Variants in ANKRD13C observed in about 807,000 individuals in gnomAD.
The protein encoded by ANKRD13C is ankyrin repeat domain 13C.
ANKRD13C carries 16 observed loss-of-function variants against 65.5 expected under a neutral mutation model. The ratio of observed to expected loss-of-function variants is 0.24; its 90% CI spans 0.17 to 0.37. The LOEUF is 0.37. Among genes scored for constraint, ANKRD13C ranks in the 10% least tolerant of loss-of-function variants. The pLI is 1.00. For missense variants in ANKRD13C, 503 were observed against 655.9 expected (o/e 0.77, Z 2.55); for synonymous variants, 235 against 238.7 (o/e 0.98, Z 0.14).
chr1:70,302,311 G>T (rs921363239), intron 6 of ANKRD13C, among the ~76,000 whole-genome samples: 2 of 152,076 alleles, frequency 1.3e-5, no homozygotes, highest in African/African-American at 4.8e-5. Flanking sequence ...AGGGGCGGCG[G>T]GGGGGCGGGG....
Position 70,296,217 on chromosome 1 carries a change from G to A in ANKRD13C, c.966C>T (p.Ser322=). The change falls in exon 8 of 13, where the codon AGC becomes AGT. Residue 322 remains serine, a synonymous_variant. Transcript: ENST00000370944. ...ETEEEVDILM[S]SDIYSATLST... is the part of the protein sequence containing the mutation. ...ATAAAGTTGCAGAGTAAATATCACT[G>A]CTCATTAAAATATCCACCTCTTCTT... is the stretch of plus-strand genomic sequence containing the variant. The A allele has an allele frequency of 6.2e-7, 1 of 1,613,852 alleles. No individual in the cohort carries two copies. Among genetic ancestry groups the A allele is most frequent in the Non-Finnish European group, 8.5e-7 (1 of 1,179,884 alleles).
chr1:70,274,950 T>A lies in ANKRD13C; in HGVS notation c.1296-132A>T, dbSNP rs1679064515. 1.0e-5 allele frequency: 6 copies of A among 599,864 alleles called. No homozygotes were observed. The East Asian group carries it at 1.7e-4, about 17-fold the overall frequency. The allele number at this position is 599,864 out of a possible 1,614,324, so 37.2% of individuals were successfully genotyped here. On this transcript the variant is annotated intron_variant, in intron 10 of 12. Transcript: ENST00000370944. ...CTTACTCTGTCTACAGAAATAAAGT[T>A]ATGCTAAAAGGGAATAAGATATGTA...
Position 70,262,462 on chromosome 1 carries a change from G to A in ANKRD13C, c.*255C>T. The A allele has an allele frequency of 4.4e-6, 1 of 228,456 alleles. No individual in the cohort carries two copies. The highest frequency in any genetic ancestry group is 1.7e-3 in the Middle Eastern group (1 of 602). 14.2% of individuals were successfully genotyped at this position (228,456 alleles called of 1,614,324 possible). A position where few individuals can be genotyped will look rare whatever the true frequency, so the allele number is the denominator to read the frequency against. On this transcript the variant is annotated 3_prime_UTR_variant, in exon 13 of 13. Coordinates refer to ENST00000370944, the MANE Select transcript of ANKRD13C (RefSeq NM_030816.5). ...CACTCATAGCTGCTTCACATACGCA[G>A]GTCTTAGGGTCATTAATGTGTCAAA... is the stretch of plus-strand genomic sequence containing the variant.
intron 1 of ANKRD13C, among the ~76,000 whole-genome samples, chr1:70,341,628 G>A (rs1019809283): frequency 3.3e-5 from 5 of 152,040 alleles, no homozygotes; most frequent in African/African-American, 1.2e-4. Context: ...CCAAAGTGAT[G>A]GGATTACAAG....
intron 9 of ANKRD13C, among the ~76,000 whole-genome samples, chr1:70,282,054 CT>C (rs1228023912): frequency 0.012 from 1,563 of 131,982 alleles, 9 homozygotes; most frequent in Non-Finnish European, 0.017. Context: ...TACATATCAT[CT>C]TTTTTTTTTT....
rs559663821 is a variant in ANKRD13C at position 70,271,187 on chromosome 1, G to T, written c.1395-231C>A. On this transcript the variant is annotated intron_variant, in intron 11 of 12. Coordinates refer to ENST00000370944, the MANE Select transcript of ANKRD13C (RefSeq NM_030816.5). The stretch of plus-strand genomic sequence containing the variant: ...TTGATTTTAGGTCCATATTTAGATG[G>T]ACTCAAAGCTAGTAACTAGATTCAC... Among the ~76,000 whole-genome samples the T allele has an allele frequency of 2.0e-5, 3 of 152,236 alleles. No individual in the cohort carries two copies. In the South Asian group the frequency reaches 6.2e-4, roughly 32 times the overall value.
chr1:70,343,645 G>A (rs1682405135), intron 1 of ANKRD13C, among the ~76,000 whole-genome samples: 1 of 152,130 alleles, frequency 6.6e-6, no homozygotes, highest in African/African-American at 2.4e-5. Flanking sequence ...TACCTCCTGT[G>A]CCTCAGCCTC....
In ANKRD13C at chr1:70,340,025, A is replaced by T. The variant is rs941631363; in HGVS notation, c.431-3926T>A. ...CCACCACACCCAACTAATTTTTTTTAAATTTTCAGTAGAGATGTCTCACTA... is the reference window on the plus strand; with the variant it reads ...CCACCACACCCAACTAATTTTTTTTTAATTTTCAGTAGAGATGTCTCACTA... On this transcript the variant is annotated intron_variant, in intron 1 of 12. Transcript: ENST00000370944. Among the ~76,000 whole-genome samples, 10 of 151,134 alleles carry T rather than the reference A, an allele frequency of 6.6e-5. No homozygotes were observed. In the East Asian group the frequency reaches 9.8e-4, roughly 15 times the overall value.
intron 3 of ANKRD13C, among the ~76,000 whole-genome samples, chr1:70,318,296 A>G (rs150830856): frequency 7.9e-4 from 120 of 152,352 alleles, no homozygotes; most frequent in African/African-American, 2.6e-3. Flanking sequence ...ACTCAAATGC[A>G]AAAGTCCATA....
chr1:70,275,274 A>T (rs1156262777), intron 10 of ANKRD13C, among the ~76,000 whole-genome samples: 1 of 152,184 alleles, frequency 6.6e-6, no homozygotes, highest in Non-Finnish European at 1.5e-5. Context: ...TAGCATAAAG[A>T]TCTAATTGGC....
Position 70,274,770 on chromosome 1 carries a change from C to T in ANKRD13C, c.1344G>A (p.Thr448=), listed in dbSNP as rs925474995. The change falls in exon 11 of 13, where the codon ACG becomes ACA. Residue 448 remains threonine (T), a synonymous_variant. Coordinates refer to ENST00000370944, the MANE Select transcript of ANKRD13C (RefSeq NM_030816.5). ...GGCTCATGGCTATCGTAGCTTTAAACGTTTTCTTACTCTCTTTGCACACCA... is the reference window on the plus strand; with the variant it reads ...GGCTCATGGCTATCGTAGCTTTAAATGTTTTCTTACTCTCTTTGCACACCA... ...RELVCKESKK[T]FKATIAMSQE... 5.0e-6 allele frequency: 8 copies of T among 1,613,910 alleles called. No individual in the cohort carries two copies. The highest frequency in any genetic ancestry group is 2.7e-5 in the African/African-American group (2 of 75,028).
At chr1:70,301,012 A>C in intron 6 of ANKRD13C, 104 bp from the exon 7 acceptor site, 1 of 1,196,318 alleles carries the variant, frequency 8.4e-7, no homozygotes. Context: ...CAAGATGCTA[A>C]TACCATATTG....
intron 1 of ANKRD13C, among the ~76,000 whole-genome samples, chr1:70,349,669 G>C (rs563074841): frequency 6.6e-6 from 1 of 152,172 alleles, no homozygotes; most frequent in Admixed American, 6.5e-5. Context: ...GAACTAAATA[G>C]TGACCAAATC....
intron 5 of ANKRD13C, among the ~76,000 whole-genome samples, chr1:70,310,392 G>T (rs1572107190): frequency 6.6e-6 from 1 of 152,122 alleles, no homozygotes; most frequent in Non-Finnish European, 1.5e-5. Context: ...TTTCGTTTTA[G>T]AATTATACAT....
At position 70,259,470 on chromosome 1, in the gene ANKRD13C, A is replaced by G. The variant is rs1436196088; in HGVS notation, c.*3247T>C. On this transcript the variant is annotated 3_prime_UTR_variant, in exon 13 of 13. Coordinates refer to ENST00000370944, the MANE Select transcript of ANKRD13C (RefSeq NM_030816.5). ...TTCTAAAATGAACTGTAACAATTAA[A>G]AAGCTCATCACAAGGTAAGCTCACT... 6.6e-6 allele frequency among the ~76,000 whole-genome samples: 1 copy of G among 152,200 alleles called. No homozygotes were observed. Among genetic ancestry groups the G allele is most frequent in the Non-Finnish European group, 1.5e-5 (1 of 68,028 alleles).
At position 70,260,296 on chromosome 1, in the gene ANKRD13C, T is replaced by C. The variant is rs547145422; in HGVS notation, c.*2421A>G. Reference sequence around the variant, plus strand: ...AGGGCAAATTGTCTCATCAGAGAATTATTTTCTCAAAGATGGAAACCATAT... The same window carrying C: ...AGGGCAAATTGTCTCATCAGAGAATCATTTTCTCAAAGATGGAAACCATAT... On this transcript the variant is annotated 3_prime_UTR_variant, in exon 13 of 13. Transcript: ENST00000370944. 4.6e-5 allele frequency among the ~76,000 whole-genome samples: 7 copies of C among 152,288 alleles called. No homozygotes were observed. The highest frequency in any genetic ancestry group is 1.7e-4 in the African/African-American group (7 of 41,570).
At chr1:70,272,381 C>T (rs1413694003) in intron 11 of ANKRD13C, among the ~76,000 whole-genome samples, 3 of 151,776 alleles carry the variant, frequency 2.0e-5, no homozygotes, top group Non-Finnish European at 2.9e-5. Flanking sequence ...CCACCACACC[C>T]GGCCAATTTT....
At chr1:70,316,500 T>G (rs911659535) in intron 3 of ANKRD13C, among the ~76,000 whole-genome samples, 1 of 148,874 alleles carries the variant, frequency 6.7e-6, no homozygotes, top group Non-Finnish European at 1.5e-5. Flanking sequence ...CTGGGAAACA[T>G]AGTAAGACCC....
chr1:70,316,515 T>A (rs1265926189), intron 3 of ANKRD13C, among the ~76,000 whole-genome samples: 2 of 147,512 alleles, frequency 1.4e-5, no homozygotes, highest in Non-Finnish European at 3.0e-5. Flanking sequence ...AGACCCCATC[T>A]CTATTAAAAA....
Sources: gnomAD v4.1 joint callset for allele counts (sites outside exome capture counted in the v4.1 genomes callset) on GRCh38, gnomAD v4.1.1 for gene constraint, MANE v1.5 for transcripts, NCBI Gene and HGNC (gene_info 2026-07-23, HGNC 2026-07-21) for gene names.